Variants in LENEP observed in about 807,000 individuals in gnomAD.
LENEP encodes lens epithelial protein.
A neutral mutation model predicts 4.1 loss-of-function variants in LENEP; 2 were observed. That is an observed-to-expected ratio of 0.49 (90% CI 0.20 to 1.53). LENEP has a LOEUF of 1.53. Among genes scored for constraint, LENEP ranks in the 40% most tolerant of loss-of-function variants. The probability of loss-of-function intolerance (pLI) is 0.23; values close to 1 mark genes in which losing one functional copy is unlikely to be tolerated. For missense variants in LENEP, 63 were observed against 77.0 expected (o/e 0.82, Z 0.68); for synonymous variants, 30 against 33.3 (o/e 0.90, Z 0.34).
Position 154,994,189 on chromosome 1 carries a change from G to T in LENEP, c.*396G>T. On this transcript the variant is annotated 3_prime_UTR_variant, in exon 1 of 1. Transcript: ENST00000392487. ...CACTCCTCCAAGCTTGGCACAGTGA[G>T]CCCACCAGCTCAGATGGTTGATCTT... The T allele has an allele frequency of 1.7e-5, 4 of 237,196 alleles. No individual in the cohort carries two copies. Among genetic ancestry groups the T allele is most frequent in the Non-Finnish European group, 3.3e-5 (4 of 121,636 alleles). 14.7% of individuals were successfully genotyped at this position (237,196 alleles called of 1,614,324 possible).
rs1055927039 is a variant in LENEP at position 154,993,786 on chromosome 1, T to C, written c.179T>C (p.Leu60Pro). 6.2e-7 allele frequency: 1 copy of C among 1,611,664 alleles called. No individual in the cohort carries two copies. The highest frequency in any genetic ancestry group is 8.5e-7 in the Non-Finnish European group (1 of 1,178,796). The change falls in exon 1 of 1, where the codon CTG becomes CCG. Residue 60 changes from leucine to proline, a missense_variant. Physicochemically the swap from Leu to Pro is moderately conservative, Grantham distance 98 (BLOSUM62 -3). Coordinates refer to ENST00000392487, the MANE Select transcript of LENEP (RefSeq NM_001394530.1). ...TGCTGCTGGTGTATCAAGGAACTGC[T>C]GGATTAATGGTAGCAGGGAACTGCC... ...LLCCWCIKEL[L>P]D
rs1168129906 is a variant in LENEP at position 154,993,920 on chromosome 1, T to C, written c.*127T>C. 35 of 923,958 alleles carry C rather than the reference T, an allele frequency of 3.8e-5. No individual in the cohort carries two copies. The highest frequency in any genetic ancestry group is 5.5e-5 in the Non-Finnish European group (34 of 616,192). The allele number at this position is 923,958 out of a possible 1,614,324, so 57.2% of individuals were successfully genotyped here. Reference sequence around the variant, plus strand: ...CAGAGCTTGCCTTAGCTTCTCATTCTCTTCTTTAGCCCCCAGCCCAATTGC... The same window carrying C: ...CAGAGCTTGCCTTAGCTTCTCATTCCCTTCTTTAGCCCCCAGCCCAATTGC... On this transcript the variant is annotated 3_prime_UTR_variant, in exon 1 of 1. Coordinates refer to ENST00000392487, the MANE Select transcript of LENEP (RefSeq NM_001394530.1).
At position 154,993,613 on chromosome 1, in the gene LENEP, GC is replaced by G. The variant is rs1657976212; in HGVS notation, c.10del (p.Arg4GlyfsTer5). ...TCCTCGGAACTGTTGCCCACATGCA[GC>G]CCCGGACACAGCCCCTAGCCCAAAC... MQ[P>X]RTQPLAQTLP... On this transcript the variant is annotated frameshift_variant, in exon 1 of 1. Coordinates refer to ENST00000392487, the MANE Select transcript of LENEP (RefSeq NM_001394530.1). LOFTEE classifies it high-confidence loss of function. 2 of 1,610,502 alleles carry G rather than the reference GC, an allele frequency of 1.2e-6. No homozygotes were observed. The highest frequency in any genetic ancestry group is 1.7e-6 in the Non-Finnish European group (2 of 1,178,752).
Position 154,994,001 on chromosome 1 carries a change from G to A in LENEP, c.*208G>A, listed in dbSNP as rs1029194475. 4 of 561,022 alleles carry A rather than the reference G, an allele frequency of 7.1e-6. No individual in the cohort carries two copies. Among genetic ancestry groups the A allele is most frequent in the Middle Eastern group, 4.6e-4 (1 of 2,186 alleles). The allele number at this position is 561,022 out of a possible 1,614,324, so 34.8% of individuals were successfully genotyped here. A position where few individuals can be genotyped will look rare whatever the true frequency, so the allele number is the denominator to read the frequency against. The stretch of plus-strand genomic sequence containing the variant: ...ACCAAGGATGGGCCATAAACAATGA[G>A]TAAACAGTAAAGTGTGGATCCTGCT... On this transcript the variant is annotated 3_prime_UTR_variant, in exon 1 of 1. Coordinates refer to ENST00000392487, the MANE Select transcript of LENEP (RefSeq NM_001394530.1).
At position 154,993,601 on chromosome 1, in the gene LENEP, T is replaced by C. The variant is rs200006706; in HGVS notation, c.-7T>C. 1 of 1,604,210 alleles carries C rather than the reference T, an allele frequency of 6.2e-7. No homozygotes were observed. The highest frequency in any genetic ancestry group is 2.2e-5 in the East Asian group (1 of 44,644). ...CTCCCACACCCTTCCTCGGAACTGT[T>C]GCCCACATGCAGCCCCGGACACAGC... is the stretch of plus-strand genomic sequence containing the variant. On this transcript the variant is annotated 5_prime_UTR_variant, in exon 1 of 1. Coordinates refer to ENST00000392487, the MANE Select transcript of LENEP (RefSeq NM_001394530.1).
chr1:154,993,915 C>T lies in LENEP; in HGVS notation c.*122C>T, dbSNP rs1463583215. 1.0e-6 allele frequency: 1 copy of T among 974,966 alleles called. No individual in the cohort carries two copies. The highest frequency in any genetic ancestry group is 1.5e-6 in the Non-Finnish European group (1 of 658,698). The allele number at this position is 974,966 out of a possible 1,614,324, so 60.4% of individuals were successfully genotyped here. ...TGTGGCAGAGCTTGCCTTAGCTTCT[C>T]ATTCTCTTCTTTAGCCCCCAGCCCA... On this transcript the variant is annotated 3_prime_UTR_variant, in exon 1 of 1. Transcript: ENST00000392487.
chr1:154,993,899 G>C lies in LENEP; in HGVS notation c.*106G>C. 1 of 1,076,458 alleles carries C rather than the reference G, an allele frequency of 9.3e-7. No individual in the cohort carries two copies. The highest frequency in any genetic ancestry group is 2.6e-5 in the East Asian group (1 of 37,948). The allele number at this position is 1,076,458 out of a possible 1,614,324, so 66.7% of individuals were successfully genotyped here. ...GCATAGCTGCAGCTTCTGTGGCAGA[G>C]CTTGCCTTAGCTTCTCATTCTCTTC... On this transcript the variant is annotated 3_prime_UTR_variant, in exon 1 of 1. Coordinates refer to ENST00000392487, the MANE Select transcript of LENEP (RefSeq NM_001394530.1).
In LENEP at chr1:154,993,659, G is replaced by C. The variant is rs1428790741; in HGVS notation, c.52G>C (p.Gly18Arg). The C allele has an allele frequency of 6.2e-7, 1 of 1,613,400 alleles. No individual in the cohort carries two copies. The highest frequency in any genetic ancestry group is 8.5e-7 in the Non-Finnish European group (1 of 1,179,768). ...CCAAACCCTACCCTTCTTCCTCGGAGGGGCCCCTCGAGACACTGGGCTGCG... is the reference window on the plus strand; with the variant it reads ...CCAAACCCTACCCTTCTTCCTCGGACGGGCCCCTCGAGACACTGGGCTGCG... ...LAQTLPFFLG[G>R]APRDTGLRVP... Residue 18 changes from glycine to arginine, a missense_variant, in exon 1 of 1, where the codon GGG (glycine) becomes CGG (arginine). Coordinates refer to ENST00000392487, the MANE Select transcript of LENEP (RefSeq NM_001394530.1).
At position 154,993,742 on chromosome 1, in the gene LENEP, A is replaced by C. The variant is rs1226590795; in HGVS notation, c.135A>C (p.Glu45Asp). The change falls in exon 1 of 1, where the codon GAA (glutamate) becomes GAC (aspartate). Residue 45 changes from glutamate (E) to aspartate (D), a missense_variant. Transcript: ENST00000392487. ...AGGGCTTCCAGCGGACCCTGAAGGA[A>C]GTCGCCTACATCCTCCTCTGCTGCT... The part of the protein sequence containing the change: ...GWEGFQRTLK[E>D]VAYILLCCWC... 2 of 1,613,572 alleles carry C rather than the reference A, an allele frequency of 1.2e-6. No individual in the cohort carries two copies.
rs945587012 is a variant in LENEP, at chr1:154,994,023, T to A, written c.*230T>A. On this transcript the variant is annotated 3_prime_UTR_variant, in exon 1 of 1. Coordinates refer to ENST00000392487, the MANE Select transcript of LENEP (RefSeq NM_001394530.1). ...TGAGTAAACAGTAAAGTGTGGATCC[T>A]GCTTTGAGCTGTGTCATCTAGCAGA... 2 of 514,188 alleles carry A rather than the reference T, an allele frequency of 3.9e-6. No homozygotes were observed. Among genetic ancestry groups the A allele is most frequent in the African/African-American group, 4.0e-5 (2 of 49,798 alleles). The allele number at this position is 514,188 out of a possible 1,614,324, so 31.9% of individuals were successfully genotyped here.
Position 154,993,871 on chromosome 1 carries a change from G to T in LENEP, c.*78G>T. ...CAGGTGGGCAGGGTAGAGTAAACAGGAGGCATAGCTGCAGCTTCTGTGGCA... is the reference window on the plus strand; with the variant it reads ...CAGGTGGGCAGGGTAGAGTAAACAGTAGGCATAGCTGCAGCTTCTGTGGCA... On this transcript the variant is annotated 3_prime_UTR_variant, in exon 1 of 1. Coordinates refer to ENST00000392487, the MANE Select transcript of LENEP (RefSeq NM_001394530.1). 1 of 1,372,912 alleles carries T rather than the reference G, an allele frequency of 7.3e-7. No homozygotes were observed. The allele number at this position is 1,372,912 out of a possible 1,614,324, so 85.0% of individuals were successfully genotyped here.
Position 154,993,765 on chromosome 1 carries a change from GCTGGTGTATCAAGGAA to G in LENEP, c.162_177del (p.Trp54CysfsTer28). On this transcript the variant is annotated frameshift_variant, in exon 1 of 1. Coordinates refer to ENST00000392487, the MANE Select transcript of LENEP (RefSeq NM_001394530.1). LOFTEE classifies it high-confidence loss of function. Reference sequence around the variant, plus strand: ...GAAGTCGCCTACATCCTCCTCTGCTGCTGGTGTATCAAGGAACTGCTGGATTAATGGTAGCAGGGAA... The same window carrying G: ...GAAGTCGCCTACATCCTCCTCTGCTGCTGCTGGATTAATGGTAGCAGGGAA... 6.2e-7 allele frequency: 1 copy of G among 1,613,454 alleles called. No individual in the cohort carries two copies. The highest frequency in any genetic ancestry group is 8.5e-7 in the Non-Finnish European group (1 of 1,179,660).
rs1657990592 is a variant in LENEP at position 154,994,016 on chromosome 1, T to C, written c.*223T>C. 3.7e-6 allele frequency: 2 copies of C among 536,122 alleles called. No individual in the cohort carries two copies. Among genetic ancestry groups the C allele is most frequent in the East Asian group, 3.5e-5 (1 of 28,790 alleles). 33.2% of individuals were successfully genotyped at this position (536,122 alleles called of 1,614,324 possible). A position where few individuals can be genotyped will look rare whatever the true frequency, so the allele number is the denominator to read the frequency against. ...TAAACAATGAGTAAACAGTAAAGTG[T>C]GGATCCTGCTTTGAGCTGTGTCATC... On this transcript the variant is annotated 3_prime_UTR_variant, in exon 1 of 1. Coordinates refer to ENST00000392487, the MANE Select transcript of LENEP (RefSeq NM_001394530.1).
In LENEP at chr1:154,993,716, G is replaced by A; in HGVS notation, c.109G>A (p.Glu37Lys). Residue 37 changes from glutamate (E) to lysine (K), a missense_variant, in exon 1 of 1, where the codon GAG (glutamate) becomes AAG (lysine). Physicochemically the swap from Glu to Lys is moderately conservative, Grantham distance 56. Transcript: ENST00000392487. Reference protein sequence around the residue: ...VPVIKMGTGWEGFQRTLKEVA... With the variant: ...VPVIKMGTGWKGFQRTLKEVA... ...TGTCATTAAGATGGGCACAGGGTGG[G>A]AGGGCTTCCAGCGGACCCTGAAGGA... The A allele has an allele frequency of 6.2e-7, 1 of 1,613,496 alleles. No individual in the cohort carries two copies. Among genetic ancestry groups the A allele is most frequent in the East Asian group, 2.2e-5 (1 of 44,856 alleles).
At position 154,994,010 on chromosome 1, in the gene LENEP, A is replaced by G. The variant is rs957151708; in HGVS notation, c.*217A>G. The G allele has an allele frequency of 1.9e-4, 106 of 549,984 alleles. No homozygotes were observed. Among genetic ancestry groups the G allele is most frequent in the East Asian group, 1.3e-4 (4 of 30,106 alleles). 34.1% of individuals were successfully genotyped at this position (549,984 alleles called of 1,614,324 possible). On this transcript the variant is annotated 3_prime_UTR_variant, in exon 1 of 1. Coordinates refer to ENST00000392487, the MANE Select transcript of LENEP (RefSeq NM_001394530.1). ...GGGCCATAAACAATGAGTAAACAGT[A>G]AAGTGTGGATCCTGCTTTGAGCTGT...
chr1:154,993,781 A>C lies in LENEP; in HGVS notation c.174A>C (p.Glu58Asp). Residue 58 changes from glutamate (E) to aspartate (D), a missense_variant, in exon 1 of 1, where the codon GAA (glutamate) becomes GAC (aspartate). By Grantham distance (45) the Glu-to-Asp change is conservative. Transcript: ENST00000392487. The stretch of plus-strand genomic sequence containing the variant: ...TCCTCTGCTGCTGGTGTATCAAGGA[A>C]CTGCTGGATTAATGGTAGCAGGGAA... ...YILLCCWCIK[E>D]LLD 6.2e-7 allele frequency: 1 copy of C among 1,611,850 alleles called. No individual in the cohort carries two copies.
rs1571493971 is a variant in LENEP at position 154,993,972 on chromosome 1, C to T, written c.*179C>T. On this transcript the variant is annotated 3_prime_UTR_variant, in exon 1 of 1. Transcript: ENST00000392487. ...ATCAAGACTCCTGAAGCCAGCTGTG[C>T]TTGACCAAGGATGGGCCATAAACAA... 2 of 611,346 alleles carry T rather than the reference C, an allele frequency of 3.3e-6. No individual in the cohort carries two copies. The highest frequency in any genetic ancestry group is 5.6e-6 in the Non-Finnish European group (2 of 355,310). The allele number at this position is 611,346 out of a possible 1,614,324, so 37.9% of individuals were successfully genotyped here.
Position 154,993,720 on chromosome 1 carries a change from G to T in LENEP, c.113G>T (p.Gly38Val). Reference protein sequence around the residue: ...PVIKMGTGWEGFQRTLKEVAY... With the variant: ...PVIKMGTGWEVFQRTLKEVAY... ...ATTAAGATGGGCACAGGGTGGGAGG[G>T]CTTCCAGCGGACCCTGAAGGAAGTC... The change falls in exon 1 of 1, where the codon GGC becomes GTC. Residue 38 changes from glycine to valine, a missense_variant. Transcript: ENST00000392487. The T allele has an allele frequency of 1.2e-6, 2 of 1,613,438 alleles. No homozygotes were observed. Among genetic ancestry groups the T allele is most frequent in the Non-Finnish European group, 1.7e-6 (2 of 1,179,694 alleles).
rs1657984181 is a variant in LENEP, at chr1:154,993,848, G to A, written c.*55G>A. 4 of 1,553,986 alleles carry A rather than the reference G, an allele frequency of 2.6e-6. No homozygotes were observed. Among genetic ancestry groups the A allele is most frequent in the South Asian group, 2.3e-5 (2 of 87,386 alleles). On this transcript the variant is annotated 3_prime_UTR_variant, in exon 1 of 1. Transcript: ENST00000392487. ...CCAGCACCATGGCTGGCATCGCTCA[G>A]GTGGGCAGGGTAGAGTAAACAGGAG...
Sources: gnomAD v4.1 joint callset for allele counts on GRCh38, gnomAD v4.1.1 for gene constraint, MANE v1.5 for transcripts, NCBI Gene and HGNC (gene_info 2026-07-23, HGNC 2026-07-21) for gene names.